RASAL2: variants seen among roughly 807,000 people sequenced by gnomAD.
RASAL2 encodes the protein ras GTPase-activating protein nGAP.
In RASAL2, 58 loss-of-function variants were observed where a neutral mutation model predicts 128.9. The ratio of observed to expected loss-of-function variants is 0.45; its 90% CI spans 0.36 to 0.56. The LOEUF is 0.56. Ranked by LOEUF, RASAL2 falls within the 20% of genes least tolerant of loss-of-function variation. The pLI is 0.00. For synonymous variants in RASAL2, 561 were observed against 580.8 expected (o/e 0.97, Z 0.49); for missense variants, 1,360 against 1,601.6 (o/e 0.85, Z 2.57).
chr1:178,403,604 T>C (rs1037322695), intron 4 of RASAL2, among the ~76,000 whole-genome samples: 2 of 152,076 alleles, frequency 1.3e-5, no homozygotes, highest in Non-Finnish European at 2.9e-5. Flanking sequence ...ATAAATGATA[T>C]AAGGACAACT....
At chr1:178,259,234 C>A (rs957398371) in intron 1 of RASAL2, among the ~76,000 whole-genome samples, 8 of 148,542 alleles carry the variant, frequency 5.4e-5, no homozygotes, top group Non-Finnish European at 1.0e-4. Flanking sequence ...AGGTTCACGC[C>A]ATTCTCCTGC....
intron 3 of RASAL2, among the ~76,000 whole-genome samples, chr1:178,382,643 G>C (rs1672345314): frequency 6.6e-6 from 1 of 152,060 alleles, no homozygotes; most frequent in Admixed American, 6.6e-5. Flanking sequence ...CCTCCAAAGA[G>C]TTGTTTTGAG....
chr1:178,460,192 G>A (rs1163342766), intron 14 of RASAL2, among the ~76,000 whole-genome samples: 1 of 152,220 alleles, frequency 6.6e-6, no homozygotes, highest in Non-Finnish European at 1.5e-5. Context: ...AATAGGATTA[G>A]CGAAGAGCAT....
At chr1:178,388,946 T>G (rs549070868) in intron 3 of RASAL2, among the ~76,000 whole-genome samples, 9 of 152,310 alleles carry the variant, frequency 5.9e-5, no homozygotes, top group Admixed American at 3.9e-4. Flanking sequence ...TGTATTTCTT[T>G]CTTGCTTGCT....
In RASAL2 at chr1:178,476,330, G is replaced by A. The variant is rs1648670571; in HGVS notation, c.*3091G>A. ...ATATTACTGAAGCAATAAGCAATCTGAGCTGAAGCAGCAAAAAGAGTCACA... is the reference window on the plus strand; with the variant it reads ...ATATTACTGAAGCAATAAGCAATCTAAGCTGAAGCAGCAAAAAGAGTCACA... On this transcript the variant is annotated 3_prime_UTR_variant, in exon 18 of 18. Coordinates refer to ENST00000367649, the MANE Select transcript of RASAL2 (RefSeq NM_170692.4). 1 of 152,170 alleles carries A rather than the reference G, an allele frequency of 6.6e-6. No homozygotes were observed. The highest frequency in any genetic ancestry group is 1.5e-5 in the Non-Finnish European group (1 of 68,042). The allele number at this position is 152,170 out of a possible 1,614,324, so 9.4% of individuals were successfully genotyped here.
intron 1 of RASAL2, among the ~76,000 whole-genome samples, chr1:178,113,196 G>A (rs1009434868): frequency 2.0e-5 from 3 of 151,684 alleles, no homozygotes; most frequent in Non-Finnish European, 2.9e-5. Flanking sequence ...CAATTCCATC[G>A]GTCTGTTGTC....
chr1:178,332,877 C>T (rs1669400383), intron 3 of RASAL2, among the ~76,000 whole-genome samples: 1 of 152,030 alleles, frequency 6.6e-6, no homozygotes, highest in Admixed American at 6.5e-5. Context: ...GCTGGGATTA[C>T]AGGCGTGAGC....
chr1:178,117,495 T>C (rs1248725363), intron 1 of RASAL2, among the ~76,000 whole-genome samples: 3 of 152,200 alleles, frequency 2.0e-5, no homozygotes, highest in Non-Finnish European at 4.4e-5. Context: ...ATGTGGAATA[T>C]GCTATGGTCT....
chr1:178,372,800 A>G (rs1290506886), intron 3 of RASAL2, among the ~76,000 whole-genome samples: 4 of 152,170 alleles, frequency 2.6e-5, no homozygotes, highest in African/African-American at 7.2e-5. Context: ...GACTACATAA[A>G]ATAGGACACA....
chr1:178,100,156 C>T (rs565847507), intron 1 of RASAL2, among the ~76,000 whole-genome samples: 4 of 152,116 alleles, frequency 2.6e-5, no homozygotes, highest in Non-Finnish European at 4.4e-5. Flanking sequence ...CTAGAACACC[C>T]CTCTTTAAGA....
At chr1:178,418,568 A>T (rs938307117) in intron 4 of RASAL2, among the ~76,000 whole-genome samples, 5 of 152,242 alleles carry the variant, frequency 3.3e-5, no homozygotes, top group African/African-American at 1.2e-4. Flanking sequence ...TAGCATTATA[A>T]GTATTTTCTT....
At chr1:178,199,226 G>A (rs957434742) in intron 1 of RASAL2, among the ~76,000 whole-genome samples, 1 of 152,228 alleles carries the variant, frequency 6.6e-6, no homozygotes. Flanking sequence ...CCCTTGGCTA[G>A]GAAAGGGAAA....
intron 1 of RASAL2, among the ~76,000 whole-genome samples, chr1:178,175,262 T>TG (rs930708958): frequency 2.6e-5 from 4 of 152,054 alleles, no homozygotes; most frequent in African/African-American, 9.7e-5. Flanking sequence ...TTAACTTTTT[T>TG]GGGGGGAAAA....
At chr1:178,431,055 A>C (rs1303013473) in intron 5 of RASAL2, among the ~76,000 whole-genome samples, 7 of 151,904 alleles carry the variant, frequency 4.6e-5, no homozygotes, top group African/African-American at 1.7e-4. Flanking sequence ...TACTCTTTTC[A>C]TCTCTCCTCC....
At chr1:178,305,987 G>A (rs1667965975) in intron 3 of RASAL2, among the ~76,000 whole-genome samples, 1 of 152,188 alleles carries the variant, frequency 6.6e-6, no homozygotes, top group South Asian at 2.1e-4. Flanking sequence ...GGAAGAAGAA[G>A]GGAGTGCTTA....
chr1:178,161,520 A>G (rs1262118751), intron 1 of RASAL2, among the ~76,000 whole-genome samples: 1 of 152,112 alleles, frequency 6.6e-6, no homozygotes, highest in Non-Finnish European at 1.5e-5. Context: ...TCATCATTTG[A>G]TGGACATTTG....
intron 1 of RASAL2, among the ~76,000 whole-genome samples, chr1:178,238,929 G>C (rs1345111616): frequency 2.0e-5 from 3 of 152,034 alleles, no homozygotes; most frequent in Non-Finnish European, 4.4e-5. Flanking sequence ...AGTAAGATGA[G>C]TAATGACTCT....
chr1:178,451,433 G>A (rs1409915727), intron 9 of RASAL2, 138 bp from the exon 10 acceptor site: 6 of 849,212 alleles, frequency 7.1e-6, no homozygotes, highest in Non-Finnish European at 1.0e-5. Context: ...GGCTTCATGG[G>A]CCATCTTTTG....
intron 1 of RASAL2, among the ~76,000 whole-genome samples, chr1:178,273,618 G>A (rs1235868117): frequency 6.6e-6 from 1 of 152,072 alleles, no homozygotes; most frequent in Admixed American, 6.5e-5. Context: ...AAATTAATTT[G>A]GAGTTTTAGA....
Sources: allele counts gnomAD v4.1 joint callset (sites outside exome capture counted in the v4.1 genomes callset), GRCh38; gene constraint gnomAD v4.1.1; transcripts MANE v1.5; gene names NCBI Gene and HGNC (gene_info 2026-07-23, HGNC 2026-07-21).